The following NUDCD3 variants were observed in gnomAD, a reference collection of about 807,000 sequenced individuals.
NUDCD3 encodes nudC domain-containing protein 3.
In NUDCD3, 13 loss-of-function variants were observed where a neutral mutation model predicts 39.7. The ratio of observed to expected loss-of-function variants is 0.33; its 90% CI spans 0.21 to 0.52. The LOEUF (loss-of-function observed/expected upper bound fraction) is 0.52. NUDCD3 is among the 20% of genes least tolerant of loss of function. The pLI, the probability that NUDCD3 is intolerant of heterozygous loss-of-function variation, is 0.96. For synonymous variants in NUDCD3, 175 were observed against 172.4 expected, an observed-to-expected ratio of 1.02 and a Z score of -0.12; for missense variants, 453 against 458.1, an observed-to-expected ratio of 0.99 and a Z score of 0.10.
At chr7:44,488,144 C>T (rs902308571) in intron 1 of NUDCD3, among the ~76,000 whole-genome samples, 3 of 151,442 alleles carry the variant, frequency 2.0e-5, no homozygotes, top group East Asian at 3.9e-4. Context: ...AGACCAGTCT[C>T]GCCAACATGA....
At chr7:44,398,158 C>T (rs1798655922) in intron 4 of NUDCD3, among the ~76,000 whole-genome samples, 2 of 152,206 alleles carry the variant, frequency 1.3e-5, no homozygotes, top group Admixed American at 1.3e-4. Context: ...ATCTGCCGGT[C>T]CCATCTGTCC....
chr7:44,427,437 G>C, intron 3 of NUDCD3, 134 bp downstream of exon 3: 2 of 950,134 alleles, frequency 2.1e-6, no homozygotes, highest in East Asian at 2.6e-5. Context: ...CTCATTCCGA[G>C]GGCAGGAGAA....
At chr7:44,448,784 G>C (rs955971122) in intron 2 of NUDCD3, among the ~76,000 whole-genome samples, 2 of 152,080 alleles carry the variant, frequency 1.3e-5, no homozygotes, top group African/African-American at 4.8e-5. Flanking sequence ...CAGAAAGAGA[G>C]AGAGAGAAAA....
At chr7:44,453,480 A>G (rs2116938002) in intron 2 of NUDCD3, among the ~76,000 whole-genome samples, 1 of 152,350 alleles carries the variant, frequency 6.6e-6, no homozygotes, top group South Asian at 2.1e-4. Context: ...CAAAGGAGAA[A>G]GCACTAAATC....
chr7:44,466,439 T>C (rs1800120314), intron 2 of NUDCD3, among the ~76,000 whole-genome samples: 1 of 152,142 alleles, frequency 6.6e-6, no homozygotes. Context: ...TTTCTGTTTT[T>C]CTTACTTAAG....
chr7:44,478,227 T>A (rs1460417486), intron 2 of NUDCD3, among the ~76,000 whole-genome samples: 1 of 152,206 alleles, frequency 6.6e-6, no homozygotes, highest in East Asian at 1.9e-4. Context: ...TGTGTGCAAA[T>A]TCTCTCTCTT....
intron 2 of NUDCD3, among the ~76,000 whole-genome samples, chr7:44,460,749 G>T (rs759248944): frequency 2.6e-5 from 4 of 152,058 alleles, no homozygotes; most frequent in Non-Finnish European, 5.9e-5. Context: ...TAATTTGGGG[G>T]GAAAGAAAGA....
intron 2 of NUDCD3, 31 bp from the exon 3 acceptor site, chr7:44,427,734 C>A: frequency 1.2e-6 from 2 of 1,609,412 alleles, no homozygotes; most frequent in South Asian, 2.2e-5. Context: ...TGATCCCAGT[C>A]AGCCATGCCT....
chr7:44,428,496 A>T (rs557544804), intron 2 of NUDCD3, among the ~76,000 whole-genome samples: 6 of 152,208 alleles, frequency 3.9e-5, no homozygotes, highest in Non-Finnish European at 8.8e-5. Flanking sequence ...CTTCAATCCT[A>T]ATCCAACCCC....
Position 44,396,087 on chromosome 7 carries a change from T to TTGTGTGTGTGTGTG in NUDCD3, c.787-3616_787-3603dup, listed in dbSNP as rs10585173. 1.9e-3 allele frequency among the ~76,000 whole-genome samples: 281 copies of TTGTGTGTGTGTGTG among 145,006 alleles called. 3 individuals carry two copies. Among genetic ancestry groups the TTGTGTGTGTGTGTG allele is most frequent in the African/African-American group, 6.8e-3 (263 of 38,442 alleles). The stretch of plus-strand genomic sequence containing the variant: ...CCTCACCAACACTTGTTATCTTCTG[T>TTGTGTGTGTGTGTG]TGTGTGTGTGTGTGTGTGTGTGTGT... On this transcript the variant is annotated intron_variant, in intron 4 of 5. Transcript: ENST00000355451.
intron 3 of NUDCD3, among the ~76,000 whole-genome samples, chr7:44,422,190 A>C (rs1012655584): frequency 9.2e-5 from 14 of 152,230 alleles, no homozygotes; most frequent in African/African-American, 3.1e-4. Context: ...AAAGTGGGAA[A>C]GATCTAAAAT....
At chr7:44,403,511 G>GT (rs1223931472) in intron 4 of NUDCD3, among the ~76,000 whole-genome samples, 7 of 152,308 alleles carry the variant, frequency 4.6e-5, no homozygotes, top group African/African-American at 1.7e-4. Context: ...GGTTTCTGCA[G>GT]CACTGACAGA....
chr7:44,411,500 C>T (rs1798924107), intron 3 of NUDCD3, among the ~76,000 whole-genome samples: 1 of 152,062 alleles, frequency 6.6e-6, no homozygotes, highest in Non-Finnish European at 1.5e-5. Flanking sequence ...AGAAGATACA[C>T]AAGTGGAAAA....
At chr7:44,430,634 G>A (rs1799346350) in intron 2 of NUDCD3, among the ~76,000 whole-genome samples, 1 of 151,528 alleles carries the variant, frequency 6.6e-6, no homozygotes, top group Admixed American at 6.6e-5. Context: ...GCACTTGGCA[G>A]AGATCAGGGA....
At position 44,382,584 on chromosome 7, in the gene NUDCD3, G is replaced by C. The variant is rs1798323527; in HGVS notation, c.*3427C>G. On this transcript the variant is annotated 3_prime_UTR_variant, in exon 6 of 6. Coordinates refer to ENST00000355451, the MANE Select transcript of NUDCD3 (RefSeq NM_015332.4). ...CCCCAGACCCCACAGTCAGACGGTA[G>C]AGAGGAGCCTCAGGGACATAGCCCA... 1 of 152,322 alleles carries C rather than the reference G, an allele frequency of 6.6e-6. No individual in the cohort carries two copies. The highest frequency in any genetic ancestry group is 2.4e-5 in the African/African-American group (1 of 41,468). The allele number at this position is 152,322 out of a possible 1,614,324, so 9.4% of individuals were successfully genotyped here.
chr7:44,441,843 T>C (rs1158437135), intron 2 of NUDCD3, among the ~76,000 whole-genome samples: 3 of 152,114 alleles, frequency 2.0e-5, no homozygotes, highest in Non-Finnish European at 4.4e-5. Flanking sequence ...GAGCTGGACA[T>C]TCACACAGAA....
At chr7:44,490,218 G>A (rs886732974) in intron 1 of NUDCD3, 191 bp downstream of exon 1, 9 of 589,112 alleles carry the variant, frequency 1.5e-5, no homozygotes, top group Non-Finnish European at 2.6e-5. Context: ...AGGACGTCCG[G>A]AGCGAACACC....
chr7:44,383,241 G>C lies in NUDCD3; in HGVS notation c.*2770C>G, dbSNP rs967355991. ...CAGGTATGCACCTGGAGACCAAGGA[G>C]GGCCTTGGAGCCTGGTGGGCAAAGG... On this transcript the variant is annotated 3_prime_UTR_variant, in exon 6 of 6. Transcript: ENST00000355451. 10 of 152,302 alleles carry C rather than the reference G, an allele frequency of 6.6e-5. No homozygotes were observed. The highest frequency in any genetic ancestry group is 2.4e-4 in the African/African-American group (10 of 41,468). The allele number at this position is 152,302 out of a possible 1,614,324, so 9.4% of individuals were successfully genotyped here.
At chr7:44,469,794 T>A (rs1320503328) in intron 2 of NUDCD3, among the ~76,000 whole-genome samples, 1 of 142,446 alleles carries the variant, frequency 7.0e-6, no homozygotes, top group Admixed American at 7.2e-5. Context: ...TAAGGAAGCA[T>A]CAGACAAAAC....
Sources: gnomAD v4.1 joint callset for allele counts (sites outside exome capture counted in the v4.1 genomes callset) on GRCh38, gnomAD v4.1.1 for gene constraint, MANE v1.5 for transcripts, NCBI Gene and HGNC (gene_info 2026-07-23, HGNC 2026-07-21) for gene names.